DDX52: variants seen among roughly 807,000 people sequenced by gnomAD.
DDX52 encodes probable ATP-dependent RNA helicase DDX52.
DDX52 carries 59 observed loss-of-function variants against 76.1 expected under a neutral mutation model. The ratio of observed to expected loss-of-function variants is 0.78; its 90% confidence interval spans 0.63 to 0.96. The LOEUF is 0.96. DDX52 is among the 40% of genes least tolerant of loss of function. The pLI is 0.00. For missense variants in DDX52, 707 were observed against 703.9 expected, an observed-to-expected ratio of 1.00 and a Z score of -0.05; for synonymous variants, 231 against 244.1, an observed-to-expected ratio of 0.95 and a Z score of 0.50.
chr17:37,632,988 T>C (rs912340839), intron 3 of DDX52, among the ~76,000 whole-genome samples: 1 of 152,204 alleles, frequency 6.6e-6, no homozygotes, highest in Non-Finnish European at 1.5e-5. Context: ...ATTTTGTTTG[T>C]TTATCGAAAG....
rs1378336319 is a variant in DDX52 at position 37,633,165 on chromosome 17, T to G, written c.417+123A>C. The G allele has an allele frequency of 6.5e-6, 7 of 1,081,816 alleles. No homozygotes were observed. In the Admixed American group the frequency reaches 9.3e-5, roughly 14 times the overall value. 67.0% of individuals were successfully genotyped at this position (1,081,816 alleles called of 1,614,324 possible). A position where few individuals can be genotyped will look rare whatever the true frequency, so the allele number is the denominator to read the frequency against. ...TTCATTAAAGTAAAATCTAAATGAA[T>G]GTAATTAACCTTCTATCTTAACAAA... On this transcript the variant is annotated intron_variant, in intron 3 of 14. Transcript: ENST00000617633.
intron 1 of DDX52, chr17:37,642,632 T>G (rs1568613615): frequency 3.4e-6 from 1 of 297,794 alleles, no homozygotes; most frequent in Non-Finnish European, 6.2e-6. Flanking sequence ...CATTCGGAAA[T>G]TAAGTAACTT....
intron 2 of DDX52, among the ~76,000 whole-genome samples, chr17:37,641,478 C>A (rs1317077852): frequency 6.6e-6 from 1 of 152,042 alleles, no homozygotes; most frequent in Non-Finnish European, 1.5e-5. Flanking sequence ...GTGGTTCAGG[C>A]CTGTAATCCC....
intron 2 of DDX52, among the ~76,000 whole-genome samples, chr17:37,633,984 C>T (rs955862407): frequency 7.2e-6 from 1 of 139,034 alleles, no homozygotes; most frequent in Non-Finnish European, 1.5e-5. Context: ...CTTGCTCTGT[C>T]GCCCAGGCTG....
chr17:37,620,884 T>C lies in DDX52; in HGVS notation c.1566A>G (p.Pro522=), dbSNP rs2030048848. Residue 522 remains proline (P), a synonymous_variant, in exon 12 of 15, where the codon CCA becomes CCG. Transcript: ENST00000617633. ...TTTTTCTAATTTACCTTCTTAATAA[T>C]GGCTTATCATCCTCAGTGAAAAATG... The part of the protein sequence containing the change: ...AITFFTEDDK[P]LLRSVANVIQ... The C allele has an allele frequency of 1.9e-6, 3 of 1,591,640 alleles. No individual in the cohort carries two copies. The highest frequency in any genetic ancestry group is 2.2e-5 in the East Asian group (1 of 44,574).
rs1447258443 is a variant in DDX52, at chr17:37,612,777, G to A, written c.*1519C>T. ...TTACTATGTATCAGGTACAGTGCTA[G>A]GTACTCACAATTGGAGACATAATTT... On this transcript the variant is annotated 3_prime_UTR_variant, in exon 15 of 15. Coordinates refer to ENST00000617633, the MANE Select transcript of DDX52 (RefSeq NM_007010.5). The A allele has an allele frequency of 1.3e-5, 2 of 152,156 alleles. No homozygotes were observed. The highest frequency in any genetic ancestry group is 3.8e-4 in the East Asian group (2 of 5,200). 9.4% of individuals were successfully genotyped at this position (152,156 alleles called of 1,614,324 possible).
intron 6 of DDX52, among the ~76,000 whole-genome samples, 187 bp from the exon 7 acceptor site, chr17:37,627,047 G>A (rs1205697566): frequency 6.6e-6 from 1 of 152,128 alleles, no homozygotes; most frequent in East Asian, 1.9e-4. Flanking sequence ...TTTTGAGACA[G>A]GGTCTTGCTC....
chr17:37,614,114 G>A lies in DDX52; in HGVS notation c.*182C>T. On this transcript the variant is annotated 3_prime_UTR_variant, in exon 15 of 15. Coordinates refer to ENST00000617633, the MANE Select transcript of DDX52 (RefSeq NM_007010.5). Reference sequence around the variant, plus strand: ...CCTCATCTCTACAGGAAAAAAAAAAGGCACCTACAAATTGAAACTGACTTG... The same window carrying A: ...CCTCATCTCTACAGGAAAAAAAAAAAGCACCTACAAATTGAAACTGACTTG... 6.6e-6 allele frequency: 4 copies of A among 609,496 alleles called. No individual in the cohort carries two copies. The highest frequency in any genetic ancestry group is 1.1e-5 in the Non-Finnish European group (4 of 375,614). 37.8% of individuals were successfully genotyped at this position (609,496 alleles called of 1,614,324 possible).
At position 37,626,118 on chromosome 17, in the gene DDX52, C is replaced by G; in HGVS notation, c.933-20G>C. 1 of 1,613,186 alleles carries G rather than the reference C, an allele frequency of 6.2e-7. No individual in the cohort carries two copies. Among genetic ancestry groups the G allele is most frequent in the Non-Finnish European group, 8.5e-7 (1 of 1,179,336 alleles). The stretch of plus-strand genomic sequence containing the variant: ...TCAACACTAAGAAATAACAAAACAA[C>G]TTGTGGATACTGAACTGAAAGATCC... On this transcript the variant is annotated intron_variant, in intron 7 of 14. Transcript: ENST00000617633.
At position 37,633,365 on chromosome 17, in the gene DDX52, C is replaced by T; in HGVS notation, c.340G>A (p.Ala114Thr). ...TGAACTTTTTTGTCTTCAATCTTTG[C>T]TTCTACAGATGACATCCACTGTATA... ...ATIQWMSSVEAKIEDKKVQRE... is the reference protein window; with the variant it reads ...ATIQWMSSVETKIEDKKVQRE... The change falls in exon 3 of 15, where the codon GCA becomes ACA. Residue 114 changes from alanine to threonine, a missense_variant. Coordinates refer to ENST00000617633, the MANE Select transcript of DDX52 (RefSeq NM_007010.5). The T allele has an allele frequency of 5.0e-6, 8 of 1,611,336 alleles. No individual in the cohort carries two copies. The highest frequency in any genetic ancestry group is 6.8e-6 in the Non-Finnish European group (8 of 1,178,868).
chr17:37,623,342 G>A (rs117793014), intron 9 of DDX52, among the ~76,000 whole-genome samples: 6,147 of 152,120 alleles, frequency 0.04, 256 homozygotes, highest in Admixed American at 0.15. Context: ...GGAGAATGGC[G>A]TGAACCCAGG....
intron 14 of DDX52, chr17:37,615,125 G>A (rs2064409498): frequency 6.6e-6 from 1 of 152,266 alleles, no homozygotes; most frequent in South Asian, 2.1e-4. Context: ...TGGGGCTGAA[G>A]ATAACAACCT....
intron 6 of DDX52, among the ~76,000 whole-genome samples, chr17:37,627,104 C>A (rs1028383976): frequency 1.3e-5 from 2 of 152,218 alleles, no homozygotes; most frequent in African/African-American, 4.8e-5. Flanking sequence ...TAGCTCACTG[C>A]ATGCAACTTC....
At chr17:37,636,413 TTC>T (rs1221938308) in intron 2 of DDX52, among the ~76,000 whole-genome samples, 6 of 152,330 alleles carry the variant, frequency 3.9e-5, no homozygotes, top group Non-Finnish European at 7.4e-5. Flanking sequence ...GGACTAGCTG[TTC>T]TGTTTCACTG....
chr17:37,635,624 T>C (rs749763488), intron 2 of DDX52: 9 of 455,810 alleles, frequency 2.0e-5, no homozygotes, highest in Non-Finnish European at 1.8e-5. Context: ...GACATTTGGG[T>C]CATTTCCAGC....
intron 13 of DDX52, among the ~76,000 whole-genome samples, chr17:37,619,024 AAT>A (rs2029938547): frequency 6.6e-6 from 1 of 152,236 alleles, no homozygotes; most frequent in African/African-American, 2.4e-5. Flanking sequence ...TATGAACTAA[AAT>A]AATTCTCAGC....
At chr17:37,641,841 G>A (rs1164020248) in intron 2 of DDX52, among the ~76,000 whole-genome samples, 1 of 152,144 alleles carries the variant, frequency 6.6e-6, no homozygotes, top group Non-Finnish European at 1.5e-5. Context: ...TTCAGAGAAA[G>A]GGTACATACC....
Position 37,620,404 on chromosome 17 carries a change from AGCGATATAAAGGC to A in DDX52, c.1577+456_1577+468del, listed in dbSNP as rs2030020579. 3.6e-5 allele frequency: 6 copies of A among 166,800 alleles called. No homozygotes were observed. The South Asian group carries it at 5.0e-4, about 14-fold the overall frequency. The allele number at this position is 166,800 out of a possible 1,614,324, so 10.3% of individuals were successfully genotyped here. A position where few individuals can be genotyped will look rare whatever the true frequency, so the allele number is the denominator to read the frequency against. ...CACACGCACATTTGAATCTGCTTAA[AGCGATATAAAGGC>A]TGACAGGTGGCAGAGCCAAAGCTCA... On this transcript the variant is annotated intron_variant, in intron 12 of 14. Transcript: ENST00000617633.
Position 37,614,314 on chromosome 17 carries a change from A to T in DDX52, c.1782T>A (p.Ala594=), listed in dbSNP as rs1350775344. 1 of 1,612,934 alleles carries T rather than the reference A, an allele frequency of 6.2e-7. No homozygotes were observed. The change falls in exon 15 of 15, where the codon GCT becomes GCA. Residue 594 remains alanine (A), a synonymous_variant. Transcript: ENST00000617633. ...TCTGTTTTTAACTTTTGTCTTCAAG[A>T]GCTACTTTCTTCTTGCTGTTCTGAC... is the stretch of plus-strand genomic sequence containing the variant. ...VTGQNSKKKV[A]LEDKS is the part of the protein sequence containing the mutation.
Sources: allele counts gnomAD v4.1 joint callset (sites outside exome capture counted in the v4.1 genomes callset), GRCh38; gene constraint gnomAD v4.1.1; transcripts MANE v1.5; gene names NCBI Gene and HGNC (gene_info 2026-07-23, HGNC 2026-07-21).